Variants in ZBTB16 observed in about 807,000 individuals in gnomAD.
ZBTB16 encodes the protein zinc finger and BTB domain containing 16, also known as zinc finger and BTB domain-containing protein 16.
A neutral mutation model predicts 56.8 loss-of-function variants in ZBTB16; 8 were observed. The ratio of observed to expected loss-of-function variants is 0.14; its 90% CI spans 0.08 to 0.25. The LOEUF (loss-of-function observed/expected upper bound fraction) is 0.25, where lower values mean the gene tolerates loss of function less well. ZBTB16 is among the 10% of genes least tolerant of loss of function. ZBTB16 has a pLI of 1.00. For missense variants in ZBTB16, 625 were observed against 903.0 expected, an observed-to-expected ratio of 0.69 and a Z score of 3.95; for synonymous variants, 363 against 368.5, an observed-to-expected ratio of 0.98 and a Z score of 0.17.
intron 2 of ZBTB16, among the ~76,000 whole-genome samples, chr11:114,110,341 G>C (rs1379720999): frequency 1.3e-5 from 2 of 152,228 alleles, no homozygotes; most frequent in Admixed American, 1.3e-4. Flanking sequence ...CACCAGGGAA[G>C]TTACTGTTAC....
In ZBTB16 at chr11:114,247,216, G is replaced by C. The variant is rs1392055410; in HGVS notation, c.1643G>C (p.Cys548Ser). Residue 548 changes from cysteine to serine, a missense_variant, in exon 6 of 7, where the codon TGT (cysteine) becomes TCT (serine). Cys to Ser is a moderately radical substitution (Grantham distance 112). Coordinates refer to ENST00000335953, the MANE Select transcript of ZBTB16 (RefSeq NM_006006.6). ...RSHTGDHPYE[C>S]EFCGSCFRDE... ...TCCACAGGCGACCACCCCTACGAGT[G>C]TGAGTTCTGTGGCAGCTGCTTCCGG... 1 of 1,614,144 alleles carries C rather than the reference G, an allele frequency of 6.2e-7. No homozygotes were observed. Among genetic ancestry groups the C allele is most frequent in the Non-Finnish European group, 8.5e-7 (1 of 1,180,060 alleles).
At chr11:114,223,206 A>C (rs890778336) in intron 4 of ZBTB16, among the ~76,000 whole-genome samples, 1 of 152,192 alleles carries the variant, frequency 6.6e-6, no homozygotes, top group Non-Finnish European at 1.5e-5. Context: ...TCTGGGTAGC[A>C]CTGCACTGAG....
At chr11:114,129,929 G>T (rs1432171350) in intron 2 of ZBTB16, among the ~76,000 whole-genome samples, 3 of 152,242 alleles carry the variant, frequency 2.0e-5, no homozygotes, top group African/African-American at 7.2e-5. Flanking sequence ...CACCGTAAAT[G>T]AAATGTGGCA....
intron 3 of ZBTB16, among the ~76,000 whole-genome samples, chr11:114,160,022 C>A (rs944238940): frequency 6.6e-6 from 1 of 151,500 alleles, no homozygotes; most frequent in Non-Finnish European, 1.5e-5. Flanking sequence ...TGGTTGCCCC[C>A]CTAAATGTTG....
At chr11:114,233,406 A>G (rs1944499640) in intron 4 of ZBTB16, among the ~76,000 whole-genome samples, 1 of 152,002 alleles carries the variant, frequency 6.6e-6, no homozygotes, top group Non-Finnish European at 1.5e-5. Flanking sequence ...TGGCACTGCC[A>G]GGGAATCAGG....
chr11:114,067,562 A>G (rs1939163307), intron 2 of ZBTB16, among the ~76,000 whole-genome samples: 1 of 152,128 alleles, frequency 6.6e-6, no homozygotes, highest in Non-Finnish European at 1.5e-5. Flanking sequence ...GTGTACCACC[A>G]TGCCCGACTA....
intron 2 of ZBTB16, among the ~76,000 whole-genome samples, chr11:114,066,128 C>A (rs1939105976): frequency 1.3e-5 from 2 of 152,280 alleles, no homozygotes; most frequent in Middle Eastern, 6.8e-3. Flanking sequence ...TCCACTTCCT[C>A]CCCCTTCACC....
At chr11:114,243,030 G>A (rs1012467332) in intron 5 of ZBTB16, among the ~76,000 whole-genome samples, 1 of 152,214 alleles carries the variant, frequency 6.6e-6, no homozygotes, top group African/African-American at 2.4e-5. Flanking sequence ...AGCCTCTAGG[G>A]CTTGAGGGAT....
In ZBTB16 at chr11:114,063,446, G is replaced by A. The variant is rs1938964272; in HGVS notation, c.146G>A (p.Arg49Gln). The A allele has an allele frequency of 1.9e-6, 3 of 1,614,184 alleles. No individual in the cohort carries two copies. Among genetic ancestry groups the A allele is most frequent in the South Asian group, 1.1e-5 (1 of 91,080 alleles). The change falls in exon 2 of 7, where the codon CGG becomes CAG. Residue 49 changes from arginine to glutamine, a missense_variant. Physicochemically the swap from Arg to Gln is conservative, Grantham distance 43. This residue lies in a region of ZBTB16 where 54 missense variants were observed against 159.4 expected (regional missense o/e 0.34). Transcript: ENST00000335953. The surrounding 1 kb of genome is among the most constrained non-coding windows in gnomAD (Gnocchi z 6.5). ...GACAGCCAGGAGTTCCACGCCCACC[G>A]GACGGTGCTGGCCTGCACCAGCAAG... The part of the protein sequence containing the change: ...MVDSQEFHAH[R>Q]TVLACTSKMF...
chr11:114,138,974 A>T (rs542589722), intron 2 of ZBTB16, among the ~76,000 whole-genome samples: 1 of 152,296 alleles, frequency 6.6e-6, no homozygotes, highest in Non-Finnish European at 1.5e-5. Context: ...TACAGGCGTG[A>T]GCCACTGTGC....
intron 2 of ZBTB16, among the ~76,000 whole-genome samples, chr11:114,084,589 G>A (rs965591759): frequency 6.6e-6 from 1 of 152,082 alleles, no homozygotes; most frequent in African/African-American, 2.4e-5. Flanking sequence ...AGCGGGTGGG[G>A]GTTGATGAGA....
At chr11:114,159,419 C>A (rs1942515077) in intron 3 of ZBTB16, among the ~76,000 whole-genome samples, 1 of 152,214 alleles carries the variant, frequency 6.6e-6, no homozygotes, top group Non-Finnish European at 1.5e-5. Context: ...TGCGATGAGT[C>A]ATAGTAGTGT....
At chr11:114,115,945 G>A (rs972770415) in intron 2 of ZBTB16, among the ~76,000 whole-genome samples, 1 of 152,198 alleles carries the variant, frequency 6.6e-6, no homozygotes, top group Admixed American at 6.5e-5. Flanking sequence ...GCCATGGGCA[G>A]CTGGCTATAC....
Position 114,063,845 on chromosome 11 carries a change from ACCAGAG to A in ZBTB16, c.548_553del (p.Gln183_Ser184del), listed in dbSNP as rs753456142. 3 of 1,614,130 alleles carry A rather than the reference ACCAGAG, an allele frequency of 1.9e-6. No individual in the cohort carries two copies. The highest frequency in any genetic ancestry group is 1.7e-5 in the Admixed American group (1 of 60,030). ...CAGAGCCTCCCTGGGCCCATGGTGG[ACCAGAG>A]CCCTTCAGTCTCCACTTCATTTGGT... On this transcript the variant is annotated inframe_deletion, in exon 2 of 7. Transcript: ENST00000335953. The surrounding 1 kb of genome is among the most constrained non-coding windows in gnomAD (Gnocchi z 6.5).
chr11:114,235,925 A>T (rs1803722830), intron 4 of ZBTB16, among the ~76,000 whole-genome samples: 1 of 151,414 alleles, frequency 6.6e-6, no homozygotes, highest in African/African-American at 2.4e-5. Context: ...GATAGAATTG[A>T]TGCAAATGTG....
chr11:114,155,977 C>T (rs927132294), intron 2 of ZBTB16, among the ~76,000 whole-genome samples: 1 of 152,186 alleles, frequency 6.6e-6, no homozygotes. Context: ...TGAGCAGAGG[C>T]TGTGGGCCTC....
rs188528451 is a variant in ZBTB16, at chr11:114,236,984, C to T, written c.1454-5183C>T. ...GATGCCTTCTCTAGGGTCAGCTTCC[C>T]AGAAAGTAGCAGCCCAAAGACAACA... On this transcript the variant is annotated intron_variant, in intron 4 of 6. Transcript: ENST00000335953. Among the ~76,000 whole-genome samples the T allele has an allele frequency of 4.4e-4, 67 of 152,332 alleles. No homozygotes were observed. In the East Asian group the frequency reaches 0.011, roughly 26 times the overall value.
chr11:114,237,881 T>G (rs1331115423), intron 4 of ZBTB16, among the ~76,000 whole-genome samples: 1 of 152,160 alleles, frequency 6.6e-6, no homozygotes, highest in Non-Finnish European at 1.5e-5. Flanking sequence ...AGCAGAAAAA[T>G]GGGGAAAGTG....
chr11:114,165,896 G>A (rs1942738992), intron 3 of ZBTB16, among the ~76,000 whole-genome samples: 1 of 152,196 alleles, frequency 6.6e-6, no homozygotes, highest in Admixed American at 6.5e-5. Flanking sequence ...TTCCATAGAG[G>A]TCAAGCCTTT....
Sources: gnomAD v4.1 joint callset for allele counts (sites outside exome capture counted in the v4.1 genomes callset) on GRCh38, gnomAD v4.1.1 for gene constraint, gnomAD v4.1.1 regional missense constraint, Gnocchi (gnomAD v3.1) non-coding constraint, MANE v1.5 for transcripts, NCBI Gene and HGNC (gene_info 2026-07-23, HGNC 2026-07-21) for gene names.